GHRL: variants seen among roughly 807,000 people sequenced by gnomAD.
GHRL encodes the protein ghrelin and obestatin prepropeptide.
In GHRL, 24 loss-of-function variants were observed where a neutral mutation model predicts 16.9. The ratio of observed to expected loss-of-function variants is 1.42; its 90% CI spans 1.03 to 2.00. The LOEUF (loss-of-function observed/expected upper bound fraction) is 2.00, where lower values mean the gene tolerates loss of function less well. Among genes scored for constraint, GHRL ranks in the 30% most tolerant of loss-of-function variants. GHRL has a pLI of 0.00. For missense variants in GHRL, 193 were observed against 142.1 expected (o/e 1.36, Z -1.82); for synonymous variants, 63 against 58.2 (o/e 1.08, Z -0.37).
At chr3:10,289,433 G>T (rs1471780039) in intron 4 of GHRL, among the ~76,000 whole-genome samples, 1 of 152,218 alleles carries the variant, frequency 6.6e-6, no homozygotes, top group Admixed American at 6.5e-5. Context: ...GTCTGGGCCT[G>T]CCGTTTATTT....
intron 4 of GHRL, among the ~76,000 whole-genome samples, chr3:10,288,740 C>T (rs1249239398): frequency 6.6e-6 from 1 of 152,190 alleles, no homozygotes; most frequent in Non-Finnish European, 1.5e-5. Context: ...AACAGGCAGG[C>T]AGAGGCCAAG....
chr3:10,290,421 C>T (rs1699821404), intron 2 of GHRL: 3 of 525,176 alleles, frequency 5.7e-6, no homozygotes, highest in Non-Finnish European at 6.8e-6. Context: ...CACCTGGCAG[C>T]AGGACTTGAT....
intron 2 of GHRL, 66 bp from the exon 3 acceptor site, chr3:10,290,275 A>G (rs755490508): frequency 1.4e-5 from 21 of 1,487,358 alleles, no homozygotes; most frequent in Admixed American, 2.0e-5. Context: ...TTGCTCAGGT[A>G]GGAGCCCAGC....
Position 10,290,875 on chromosome 3 carries a change from A to G in GHRL, c.-189T>C. On this transcript the variant is annotated 5_prime_UTR_variant, in exon 2 of 6. Coordinates refer to ENST00000335542, the MANE Select transcript of GHRL (RefSeq NM_016362.5). ...CTAAAAATGTTCTTGTCCTCTGGGT[A>G]GAAGTCAACAGTGGAGGTCAGATGC... 1.0e-6 allele frequency: 1 copy of G among 985,734 alleles called. No individual in the cohort carries two copies. Among genetic ancestry groups the G allele is most frequent in the Non-Finnish European group, 1.2e-6 (1 of 830,100 alleles). The allele number at this position is 985,734 out of a possible 1,614,324, so 61.1% of individuals were successfully genotyped here.
At chr3:10,288,360 C>G (rs1257544692) in intron 4 of GHRL, 3 of 152,854 alleles carry the variant, frequency 2.0e-5, no homozygotes, top group Admixed American at 6.5e-5. Flanking sequence ...CCCAACACCC[C>G]CCAGGCGTTT....
At chr3:10,288,634 G>C (rs949964527) in intron 4 of GHRL, among the ~76,000 whole-genome samples, 1 of 152,226 alleles carries the variant, frequency 6.6e-6, no homozygotes, top group Admixed American at 6.5e-5. Context: ...GTAGAGGAAA[G>C]GTCTGAACAC....
At position 10,290,125 on chromosome 3, in the gene GHRL, T is replaced by G; in HGVS notation, c.56A>C (p.Asp19Ala). ...SLLLLGMLWL[D>A]LAMAGSSFLS... Reference sequence around the variant, plus strand: ...GAAGCTGGAGCCTGCCATGGCCAAGTCCAGCCAGAGCATGCCGAGGAGCAG... The same window carrying G: ...GAAGCTGGAGCCTGCCATGGCCAAGGCCAGCCAGAGCATGCCGAGGAGCAG... Residue 19 changes from aspartate (D) to alanine (A), a missense_variant, in exon 3 of 6, where the codon GAC (aspartate) becomes GCC (alanine). Transcript: ENST00000335542. 6.2e-7 allele frequency: 1 copy of G among 1,613,372 alleles called. No homozygotes were observed.
rs1280559990 is a variant in GHRL at position 10,290,213 on chromosome 3, G to A, written c.-29-4C>T. 1.3e-6 allele frequency: 2 copies of A among 1,589,786 alleles called. No homozygotes were observed. The highest frequency in any genetic ancestry group is 3.6e-5 in the Admixed American group (2 of 55,082). On this transcript the variant is annotated splice_polypyrimidine_tract_variant and splice_region_variant and intron_variant, in intron 2 of 5. Coordinates refer to ENST00000335542, the MANE Select transcript of GHRL (RefSeq NM_016362.5). ...GCTGGGTTGCAGACAGGTGGGCCTG[G>A]GGGAGAGAGGGTCTCCAGGCAGCTG...
chr3:10,292,663 T>A, intron 1 of GHRL, 179 bp downstream of exon 1: 1 of 570,460 alleles, frequency 1.8e-6, no homozygotes, highest in Non-Finnish European at 3.1e-6. Context: ...AGTGTAGACA[T>A]CTTTTGGCCC....
Position 10,290,943 on chromosome 3 carries a change from C to A in GHRL, c.-257G>T, listed in dbSNP as rs1223546668. ...TTGGCGAGGGAAGAAGCATGTGCTC[C>A]AGCTGTCCCTGGAACACGGTGGCGG... On this transcript the variant is annotated 5_prime_UTR_variant, in exon 2 of 6. Transcript: ENST00000335542. 1 of 985,790 alleles carries A rather than the reference C, an allele frequency of 1.0e-6. No homozygotes were observed. The highest frequency in any genetic ancestry group is 1.7e-5 in the African/African-American group (1 of 57,386). 61.1% of individuals were successfully genotyped at this position (985,790 alleles called of 1,614,324 possible).
intron 4 of GHRL, chr3:10,287,913 A>ATG (rs1576049089): frequency 1.1e-5 from 1 of 87,952 alleles, no homozygotes; most frequent in African/African-American, 3.5e-5. Context: ...GACATGATTG[A>ATG]ATTTTTTTTT....
At chr3:10,286,409 T>C (rs765620983) in intron 5 of GHRL, among the ~76,000 whole-genome samples, 13 of 152,188 alleles carry the variant, frequency 8.5e-5, no homozygotes, top group Non-Finnish European at 1.3e-4. Context: ...TTGTAGACTC[T>C]CACAATAGGT....
intron 3 of GHRL, 33 bp from the exon 4 acceptor site, chr3:10,289,911 A>T: frequency 6.5e-7 from 1 of 1,544,850 alleles, no homozygotes; most frequent in Non-Finnish European, 8.9e-7. Flanking sequence ...TTAGGACTCT[A>T]AGCCCCCATG....
rs756497691 is a variant in GHRL at position 10,292,868 on chromosome 3, C to T, written c.-792G>A. The T allele has an allele frequency of 3.9e-5, 61 of 1,548,832 alleles. No homozygotes were observed. Among genetic ancestry groups the T allele is most frequent in the Non-Finnish European group, 5.1e-5 (58 of 1,145,232 alleles). ...TGGACCCTGGAGGCCTCTCCGGGCA[C>T]AGCTGCCAATGTTGATCTTAGATAA... On this transcript the variant is annotated 5_prime_UTR_variant, in exon 1 of 6. The change creates a new upstream start codon in the 5' untranslated region. Coordinates refer to ENST00000335542, the MANE Select transcript of GHRL (RefSeq NM_016362.5).
rs555043328 is a variant in GHRL at position 10,286,638 on chromosome 3, C to T, written c.334+66G>A. 3.6e-6 allele frequency: 3 copies of T among 833,216 alleles called. No homozygotes were observed. In the East Asian group the frequency reaches 7.4e-5, roughly 21 times the overall value. 51.6% of individuals were successfully genotyped at this position (833,216 alleles called of 1,614,324 possible). On this transcript the variant is annotated intron_variant, in intron 5 of 5. Transcript: ENST00000335542. ...GCAGAGGTTGGGGAAAACTCATCACCCACAGAGTGAACTCCCATGTGGGGC... is the reference window on the plus strand; with the variant it reads ...GCAGAGGTTGGGGAAAACTCATCACTCACAGAGTGAACTCCCATGTGGGGC...
Position 10,291,156 on chromosome 3 carries a change from G to T in GHRL, c.-470C>A. On this transcript the variant is annotated 5_prime_UTR_variant, in exon 2 of 6. Coordinates refer to ENST00000335542, the MANE Select transcript of GHRL (RefSeq NM_016362.5). Reference sequence around the variant, plus strand: ...AGCGCCCCGTTGTTTCCCATGTGCTGTTGCTGCTCTGGCCTCTGTGAGCCC... The same window carrying T: ...AGCGCCCCGTTGTTTCCCATGTGCTTTTGCTGCTCTGGCCTCTGTGAGCCC... 2.0e-6 allele frequency: 2 copies of T among 985,758 alleles called. No individual in the cohort carries two copies. Among genetic ancestry groups the T allele is most frequent in the Non-Finnish European group, 2.4e-6 (2 of 830,168 alleles). 61.1% of individuals were successfully genotyped at this position (985,758 alleles called of 1,614,324 possible). A position where few individuals can be genotyped will look rare whatever the true frequency, so the allele number is the denominator to read the frequency against.
Position 10,290,388 on chromosome 3 carries a change from C to G in GHRL, c.-29-179G>C, listed in dbSNP as rs770262839. 3 of 611,300 alleles carry G rather than the reference C, an allele frequency of 4.9e-6. No homozygotes were observed. In the African/African-American group the frequency reaches 5.6e-5, roughly 11 times the overall value. 37.9% of individuals were successfully genotyped at this position (611,300 alleles called of 1,614,324 possible). A position where few individuals can be genotyped will look rare whatever the true frequency, so the allele number is the denominator to read the frequency against. The stretch of plus-strand genomic sequence containing the variant: ...GAAGATGATGGATGTGTGTTCTCTT[C>G]TCCAAGGCCGTTCAGGGCAGAACAC... On this transcript the variant is annotated intron_variant, in intron 2 of 5. Transcript: ENST00000335542.
chr3:10,289,974 G>T, intron 3 of GHRL, 96 bp from the exon 4 acceptor site: 2 of 1,513,002 alleles, frequency 1.3e-6, no homozygotes, highest in Non-Finnish European at 1.8e-6. Flanking sequence ...TCTGGGAGAA[G>T]ACTGAAGCCC....
chr3:10,286,145 T>A (rs1011573636), intron 5 of GHRL, among the ~76,000 whole-genome samples: 1 of 152,210 alleles, frequency 6.6e-6, no homozygotes, highest in African/African-American at 2.4e-5. Flanking sequence ...GGGTGACGGG[T>A]CACCGCCTTG....
Sources: allele counts gnomAD v4.1 joint callset (sites outside exome capture counted in the v4.1 genomes callset), GRCh38; gene constraint gnomAD v4.1.1; transcripts MANE v1.5; gene names NCBI Gene and HGNC (gene_info 2026-07-23, HGNC 2026-07-21).